AGMO: variants seen among roughly 807,000 people sequenced by gnomAD.
AGMO encodes glyceryl-ether monooxygenase.
A neutral mutation model predicts 60.2 loss-of-function variants in AGMO; 75 were observed. The ratio of observed to expected loss-of-function variants is 1.25; its 90% CI spans 1.03 to 1.51. The LOEUF is 1.51. Among genes scored for constraint, AGMO ranks in the 40% most tolerant of loss-of-function variants. The pLI, the probability that AGMO is intolerant of heterozygous loss-of-function variation, is 0.00. For missense variants in AGMO, 763 were observed against 525.5 expected (o/e 1.45, Z -4.42); for synonymous variants, 261 against 177.1 (o/e 1.47, Z -3.76).
rs760420492 is a variant in AGMO, at chr7:15,401,340, CTAGT to C, written c.610-7165_610-7162del. Among the ~76,000 whole-genome samples, 34 of 152,010 alleles carry C rather than the reference CTAGT, an allele frequency of 2.2e-4. 1 individual carries two copies. Among genetic ancestry groups the C allele is most frequent in the Non-Finnish European group, 2.8e-4 (19 of 67,970 alleles). ...GATTCCTTTGATTGGCAAACATTGA[CTAGT>C]TAGATTTTTGTGGCTTGGTTAAAAG... On this transcript the variant is annotated intron_variant, in intron 5 of 12. Transcript: ENST00000342526.
intron 12 of AGMO, among the ~76,000 whole-genome samples, chr7:15,224,180 GA>G (rs147559563): frequency 2.7e-4 from 39 of 146,728 alleles, no homozygotes; most frequent in South Asian, 1.5e-3. Flanking sequence ...ATGAGTAAAA[GA>G]AAAAAAAAAT....
At chr7:15,425,454 A>G (rs1036567959) in intron 4 of AGMO, among the ~76,000 whole-genome samples, 3 of 147,078 alleles carry the variant, frequency 2.0e-5, no homozygotes, top group African/African-American at 7.6e-5. Context: ...TTTTTTTGAG[A>G]AAGAGGGTCT....
At chr7:15,521,448 A>G (rs965116625) in intron 3 of AGMO, among the ~76,000 whole-genome samples, 8 of 152,192 alleles carry the variant, frequency 5.3e-5, no homozygotes, top group Non-Finnish European at 8.8e-5. Context: ...GAAATCCTCA[A>G]TAAAATACTG....
At chr7:15,490,014 G>A (rs1392216710) in intron 3 of AGMO, among the ~76,000 whole-genome samples, 2 of 152,116 alleles carry the variant, frequency 1.3e-5, no homozygotes, top group East Asian at 3.9e-4. Context: ...CCGTGCACAT[G>A]GCACACTGAA....
the AGMO span, among the ~76,000 whole-genome samples, chr7:15,167,088 T>C: frequency 6.6e-6 from 1 of 152,128 alleles, no homozygotes; most frequent in Non-Finnish European, 1.5e-5. Flanking sequence ...CTAAAAAAAA[T>C]CTTAGATTCT....
At chr7:15,394,986 G>C (rs1400043559) in intron 5 of AGMO, among the ~76,000 whole-genome samples, 1 of 152,126 alleles carries the variant, frequency 6.6e-6, no homozygotes, top group Non-Finnish European at 1.5e-5. Context: ...ATAGAAACCA[G>C]GTAGGTGTCA....
intron 12 of AGMO, among the ~76,000 whole-genome samples, chr7:15,223,088 C>T (rs1781972124): frequency 6.6e-6 from 1 of 151,844 alleles, no homozygotes; most frequent in Admixed American, 6.6e-5. Flanking sequence ...TCAAACACCA[C>T]TTCAAGATTT....
intron 2 of AGMO, among the ~76,000 whole-genome samples, chr7:15,553,686 C>G (rs1179013850): frequency 2.0e-5 from 3 of 151,920 alleles, no homozygotes; most frequent in African/African-American, 7.3e-5. Flanking sequence ...ACTGAAGGTC[C>G]TAGAAAAACT....
the AGMO span, among the ~76,000 whole-genome samples, chr7:15,177,083 G>C: frequency 6.7e-6 from 1 of 148,372 alleles, no homozygotes; most frequent in South Asian, 2.1e-4. Context: ...CAAATCTGAT[G>C]CTTTTAAAAT....
chr7:15,270,011 C>T (rs76821615), intron 12 of AGMO, among the ~76,000 whole-genome samples: 3,372 of 152,106 alleles, frequency 0.022, 124 homozygotes, highest in African/African-American at 0.078. Flanking sequence ...CAGTCAACCA[C>T]TGATGGGCAT....
At chr7:15,190,773 G>A in the AGMO span, among the ~76,000 whole-genome samples, 1 of 151,982 alleles carries the variant, frequency 6.6e-6, no homozygotes, top group African/African-American at 2.4e-5. Flanking sequence ...AAGTAATTTG[G>A]ATTAACTGAT....
chr7:15,346,310 G>T lies in AGMO; in HGVS notation c.1263+19204C>A, dbSNP rs76050880. Among the ~76,000 whole-genome samples the T allele has an allele frequency of 3.0e-3, 459 of 152,082 alleles. 2 individuals are homozygous for T. The highest frequency in any genetic ancestry group is 0.011 in the African/African-American group (437 of 41,524). On this transcript the variant is annotated intron_variant, in intron 12 of 12. Coordinates refer to ENST00000342526, the MANE Select transcript of AGMO (RefSeq NM_001004320.2). The stretch of plus-strand genomic sequence containing the variant: ...AGATGTAATCACTCAAATTCCATTG[G>T]GAAAGAGGTAACAGCATTATTTGGT...
the AGMO span, among the ~76,000 whole-genome samples, chr7:15,140,396 G>A: frequency 6.6e-6 from 1 of 152,030 alleles, no homozygotes; most frequent in Non-Finnish European, 1.5e-5. Context: ...TCACTACAAT[G>A]CTATTAGCAT....
chr7:15,275,556 A>T (rs1232866879), intron 12 of AGMO, among the ~76,000 whole-genome samples: 2 of 152,148 alleles, frequency 1.3e-5, no homozygotes, highest in African/African-American at 2.4e-5. Context: ...AATGTCTATC[A>T]TATCAATTTG....
chr7:15,188,453 T>G, the AGMO span, among the ~76,000 whole-genome samples: 1 of 152,352 alleles, frequency 6.6e-6, no homozygotes, highest in African/African-American at 2.4e-5. Flanking sequence ...ATATGTCCAT[T>G]ACCATACTTG....
At chr7:15,387,645 T>C (rs1026432313) in intron 8 of AGMO, 105 bp from the exon 9 acceptor site, 24 of 954,528 alleles carry the variant, frequency 2.5e-5, no homozygotes, top group Non-Finnish European at 3.4e-5. Flanking sequence ...TTTACGTATT[T>C]AAAACGTTAT....
chr7:15,282,386 A>G (rs1783992854), intron 12 of AGMO, among the ~76,000 whole-genome samples: 1 of 152,148 alleles, frequency 6.6e-6, no homozygotes, highest in Non-Finnish European at 1.5e-5. Context: ...AGAAAAACCA[A>G]TCAAGCTTCT....
chr7:15,445,767 T>C (rs1781683001), intron 3 of AGMO, among the ~76,000 whole-genome samples: 1 of 152,132 alleles, frequency 6.6e-6, no homozygotes, highest in Non-Finnish European at 1.5e-5. Context: ...TTAAGACATG[T>C]AGGGATGTTC....
chr7:15,287,716 T>C (rs1784138267), intron 12 of AGMO, among the ~76,000 whole-genome samples: 1 of 152,096 alleles, frequency 6.6e-6, no homozygotes, highest in African/African-American at 2.4e-5. Flanking sequence ...TTCGAAATAA[T>C]TTCACTGATT....
Sources: allele counts gnomAD v4.1 joint callset (sites outside exome capture counted in the v4.1 genomes callset), GRCh38; gene constraint gnomAD v4.1.1; transcripts MANE v1.5; gene names NCBI Gene and HGNC (gene_info 2026-07-23, HGNC 2026-07-21).